KALRN: variants seen among roughly 807,000 people sequenced by gnomAD.
KALRN encodes kalirin RhoGEF kinase.
Under a neutral mutation model 353.7 loss-of-function variants are expected in KALRN, and 70 were observed. That is an observed-to-expected ratio of 0.20 (90% CI 0.16 to 0.24). The LOEUF is 0.24. KALRN is among the 10% of genes least tolerant of loss of function. The pLI is 1.00. For synonymous variants in KALRN, 1,391 were observed against 1,434.8 expected (o/e 0.97, Z 0.69); for missense variants, 2,791 against 3,756.7 (o/e 0.74, Z 6.72).
chr3:124,178,650 A>G (rs1412342522), intron 1 of KALRN, among the ~76,000 whole-genome samples: 2 of 152,234 alleles, frequency 1.3e-5, no homozygotes, highest in African/African-American at 4.8e-5. Context: ...TATAAGATTA[A>G]TAATAGTACA....
At chr3:124,666,683 T>C in intron 46 of KALRN, 49 bp downstream of exon 46, 1 of 1,490,594 alleles carries the variant, frequency 6.7e-7, no homozygotes, top group South Asian at 1.2e-5. Context: ...GCCCAGTTCT[T>C]GGGAGCTGCT....
intron 34 of KALRN, among the ~76,000 whole-genome samples, chr3:124,611,394 G>C (rs900823556): frequency 2.0e-5 from 3 of 152,228 alleles, no homozygotes; most frequent in Admixed American, 1.3e-4. Flanking sequence ...AGGAGGCATA[G>C]GATGGCCTTG....
chr3:124,051,162 A>C (rs2149146558), intron 1 of KALRN, among the ~76,000 whole-genome samples: 1 of 152,322 alleles, frequency 6.6e-6, no homozygotes, highest in East Asian at 1.9e-4. Context: ...GCAAGCATGT[A>C]GTGAGCACTT....
chr3:124,476,702 AG>A, intron 26 of KALRN, among the ~76,000 whole-genome samples: 1 of 152,240 alleles, frequency 6.6e-6, no homozygotes, highest in East Asian at 1.9e-4. Flanking sequence ...CCTCTGCCCC[AG>A]GGGGTCACTC....
rs532891119 is a variant in KALRN, at chr3:124,316,233, C to T, written c.1093-9747C>T. ...CCTTGATCCAAGCTGACATCAGCTC[C>T]TGCCTGGACTGCTGTAGTAGCTCCT... On this transcript the variant is annotated intron_variant, in intron 6 of 59. Transcript: ENST00000682506. Among the ~76,000 whole-genome samples the T allele has an allele frequency of 4.6e-5, 7 of 152,324 alleles. No homozygotes were observed. The South Asian group carries it at 1.4e-3, about 32-fold the overall frequency.
At chr3:124,535,712 T>C (rs562826756) in intron 33 of KALRN, among the ~76,000 whole-genome samples, 10 of 152,298 alleles carry the variant, frequency 6.6e-5, no homozygotes, top group Admixed American at 6.5e-5. Flanking sequence ...GTCATCTAGA[T>C]CAGGATCAGA....
chr3:124,157,994 G>T (rs1243494490), intron 1 of KALRN, among the ~76,000 whole-genome samples: 2 of 152,242 alleles, frequency 1.3e-5, no homozygotes, highest in Middle Eastern at 3.4e-3. Context: ...GGAAACATCA[G>T]AGTCAGCTCT....
intron 57 of KALRN, among the ~76,000 whole-genome samples, chr3:124,705,120 G>C (rs1579042746): frequency 1.3e-5 from 2 of 152,186 alleles, no homozygotes; most frequent in Admixed American, 1.3e-4. Context: ...GCAGTATAGA[G>C]AAGGCAGGGG....
intron 33 of KALRN, among the ~76,000 whole-genome samples, chr3:124,526,589 A>T (rs532777164): frequency 6.6e-6 from 1 of 152,208 alleles, no homozygotes; most frequent in Non-Finnish European, 1.5e-5. Flanking sequence ...AATAATAATA[A>T]TAATGATAAT....
intron 5 of KALRN, among the ~76,000 whole-genome samples, chr3:124,272,892 A>G (rs901430154): frequency 1.3e-5 from 2 of 152,158 alleles, no homozygotes; most frequent in African/African-American, 4.8e-5. Context: ...AAGGGCTGTG[A>G]GTGTGGATCC....
chr3:124,697,167 G>A (rs956383233), intron 54 of KALRN, among the ~76,000 whole-genome samples: 6 of 152,210 alleles, frequency 3.9e-5, no homozygotes, highest in Non-Finnish European at 8.8e-5. Flanking sequence ...CAAAGTGCTA[G>A]GATTATAGGC....
intron 11 of KALRN, among the ~76,000 whole-genome samples, chr3:124,394,691 T>C (rs1375355376): frequency 1.3e-5 from 2 of 152,252 alleles, no homozygotes; most frequent in African/African-American, 4.8e-5. Flanking sequence ...TTAGTTCTTA[T>C]TGACCACCAC....
chr3:124,287,801 A>G (rs1450821520), intron 5 of KALRN, among the ~76,000 whole-genome samples: 15 of 19,772 alleles, frequency 7.6e-4, no homozygotes, highest in Middle Eastern at 0.024. Context: ...ATATATATAT[A>G]TATATATATA....
chr3:124,322,318 C>T (rs1187426412), intron 6 of KALRN, among the ~76,000 whole-genome samples: 1 of 152,328 alleles, frequency 6.6e-6, no homozygotes. Flanking sequence ...GGTCGACTCC[C>T]TCACAGATGA....
rs138241832 is a variant in KALRN at position 124,127,641 on chromosome 3, T to C, written c.73+93828T>C. On this transcript the variant is annotated intron_variant, in intron 1 of 59. Coordinates refer to ENST00000682506, the MANE Select transcript of KALRN (RefSeq NM_001388419.1). Reference sequence around the variant, plus strand: ...TTGCCTCTAGATGATCTCTGAGTGATGGTGATTCTTATCTTCAGTGACAAA... The same window carrying C: ...TTGCCTCTAGATGATCTCTGAGTGACGGTGATTCTTATCTTCAGTGACAAA... Among the ~76,000 whole-genome samples, 496 of 152,330 alleles carry C rather than the reference T, an allele frequency of 3.3e-3. 1 individual carries two copies. The highest frequency in any genetic ancestry group is 0.014 in the Middle Eastern group (4 of 294).
intron 1 of KALRN, among the ~76,000 whole-genome samples, chr3:124,222,706 A>G (rs1272597169): frequency 6.6e-6 from 1 of 152,122 alleles, no homozygotes; most frequent in Non-Finnish European, 1.5e-5. Flanking sequence ...GGCTCAATCA[A>G]TCCTCCCACC....
At chr3:124,446,320 A>G (rs2093837566) in intron 20 of KALRN, 44 bp downstream of exon 20, 11 of 1,408,424 alleles carry the variant, frequency 7.8e-6, no homozygotes, top group Non-Finnish European at 1.0e-5. Context: ...TCTGGGGAGC[A>G]TACAGAGGCC....
intron 1 of KALRN, among the ~76,000 whole-genome samples, chr3:124,098,707 G>A (rs2061623961): frequency 6.6e-6 from 1 of 152,098 alleles, no homozygotes; most frequent in Non-Finnish European, 1.5e-5. Flanking sequence ...CTCTAATCCT[G>A]AGTGCCTTTC....
chr3:124,346,833 G>A lies in KALRN; in HGVS notation c.1648-310G>A, dbSNP rs915495901. ...GTGATTGGGTAGAAGTGGTGAGGGG[G>A]TTAAACTGTGCCTGATGGTCTGTGT... On this transcript the variant is annotated intron_variant, in intron 9 of 59. Coordinates refer to ENST00000682506, the MANE Select transcript of KALRN (RefSeq NM_001388419.1). 2.0e-5 allele frequency among the ~76,000 whole-genome samples: 3 copies of A among 152,184 alleles called. No homozygotes were observed. In the South Asian group the frequency reaches 6.2e-4, roughly 32 times the overall value.
Sources: allele counts gnomAD v4.1 joint callset (sites outside exome capture counted in the v4.1 genomes callset), GRCh38; gene constraint gnomAD v4.1.1; transcripts MANE v1.5; gene names NCBI Gene and HGNC (gene_info 2026-07-23, HGNC 2026-07-21).